Variants in DLG2 observed in about 807,000 individuals in gnomAD.
The protein encoded by DLG2 is discs large MAGUK scaffold protein 2.
In DLG2, 45 loss-of-function variants were observed where a neutral mutation model predicts 132.5. The observed-to-expected ratio is 0.34, with a 90% CI of 0.27 to 0.44. DLG2 has a LOEUF of 0.44. DLG2 is among the 20% of genes least tolerant of loss of function. DLG2 has a pLI of 1.00. For synonymous variants in DLG2, 424 were observed against 419.6 expected, an observed-to-expected ratio of 1.01 and a Z score of -0.13; for missense variants, 1,045 against 1,196.9, an observed-to-expected ratio of 0.87 and a Z score of 1.87.
At chr11:85,214,262 C>T (rs1356371286) in intron 4 of DLG2, among the ~76,000 whole-genome samples, 1 of 152,138 alleles carries the variant, frequency 6.6e-6, no homozygotes, top group Admixed American at 6.6e-5. Flanking sequence ...ATTATTAGGA[C>T]AACCTTCTGG....
chr11:85,310,103 T>G (rs2080219605), intron 3 of DLG2, among the ~76,000 whole-genome samples: 2 of 152,342 alleles, frequency 1.3e-5, no homozygotes, highest in Non-Finnish European at 2.9e-5. Context: ...TCAGTCTTAA[T>G]TCAGCACTAT....
chr11:85,393,087 A>C (rs1320654213), intron 3 of DLG2, among the ~76,000 whole-genome samples: 2 of 152,048 alleles, frequency 1.3e-5, no homozygotes, highest in African/African-American at 4.8e-5. Flanking sequence ...TCCAACAAAC[A>C]ACTAATATCC....
intron 7 of DLG2, among the ~76,000 whole-genome samples, chr11:84,455,415 C>T (rs1184523851): frequency 2.0e-5 from 3 of 151,210 alleles, no homozygotes; most frequent in African/African-American, 7.3e-5. Flanking sequence ...ATTTTAATTT[C>T]CAAAATTGAT....
chr11:84,548,343 C>G (rs1309048756), intron 6 of DLG2, among the ~76,000 whole-genome samples: 3 of 151,926 alleles, frequency 2.0e-5, no homozygotes, highest in Admixed American at 6.6e-5. Context: ...AGGTTTGTTA[C>G]ATATATGCAT....
intron 18 of DLG2, among the ~76,000 whole-genome samples, chr11:83,639,435 C>T (rs145833832): frequency 5.9e-5 from 9 of 152,200 alleles, no homozygotes; most frequent in Admixed American, 5.2e-4. Context: ...TAATAAAAAA[C>T]GATGAGTTCA....
intron 18 of DLG2, among the ~76,000 whole-genome samples, chr11:83,745,662 C>T (rs562336946): frequency 3.3e-4 from 50 of 151,982 alleles, no homozygotes; most frequent in Non-Finnish European, 2.9e-4. Context: ...ATTAGCCTGG[C>T]GTGGTGGCAT....
intron 6 of DLG2, among the ~76,000 whole-genome samples, chr11:84,771,419 G>C (rs1046452561): frequency 7.9e-5 from 12 of 152,204 alleles, no homozygotes; most frequent in African/African-American, 2.4e-4. Context: ...GTCTTCTTTT[G>C]AAAAGCGTCT....
intron 11 of DLG2, among the ~76,000 whole-genome samples, chr11:84,014,038 T>C (rs958133453): frequency 5.3e-5 from 8 of 152,230 alleles, no homozygotes; most frequent in Admixed American, 5.2e-4. Context: ...GTTGTACACT[T>C]ACCAAATAGA....
At chr11:83,720,951 G>C (rs956207706) in intron 18 of DLG2, 13 of 151,982 alleles carry the variant, frequency 8.6e-5, no homozygotes, top group African/African-American at 3.1e-4. Context: ...AGTATCTGGG[G>C]GTGAATCAAC....
At position 85,527,676 on chromosome 11, in the gene DLG2, T is replaced by C. The variant is rs534791720; in HGVS notation, c.40+70981A>G. Among the ~76,000 whole-genome samples, 4 of 152,342 alleles carry C rather than the reference T, an allele frequency of 2.6e-5. No homozygotes were observed. In the South Asian group the frequency reaches 6.2e-4, roughly 24 times the overall value. On this transcript the variant is annotated intron_variant, in intron 3 of 27. Transcript: ENST00000376104. ...AAACATACTTGTGCATCTGTCTTTA[T>C]AGTAAAATAATTTATAATCCTTTGG...
chr11:85,488,682 A>G (rs528396334), intron 3 of DLG2, among the ~76,000 whole-genome samples: 9 of 152,344 alleles, frequency 5.9e-5, no homozygotes, highest in African/African-American at 1.9e-4. Context: ...CTTATGGGCC[A>G]GAAGAGAATG....
chr11:84,624,915 T>C (rs2099619918), intron 6 of DLG2, among the ~76,000 whole-genome samples: 1 of 133,132 alleles, frequency 7.5e-6, no homozygotes. Context: ...TGGAGTGCAG[T>C]GGCGGGATCT....
chr11:85,146,227 C>CCTCTCTCTCTCTCTCTCTCTCTCT (rs35640163), intron 5 of DLG2, among the ~76,000 whole-genome samples: 4 of 129,108 alleles, frequency 3.1e-5, no homozygotes, highest in African/African-American at 1.2e-4. Flanking sequence ...TCTGTTTCTC[C>CCTCTCTCTCTCTCTCTCTCTCTCT]CTCTCTCTCT....
intron 3 of DLG2, among the ~76,000 whole-genome samples, chr11:85,497,823 C>G (rs1010028101): frequency 6.6e-6 from 1 of 152,148 alleles, no homozygotes; most frequent in Non-Finnish European, 1.5e-5. Context: ...CATATCCAGC[C>G]AAACTAAGCT....
intron 18 of DLG2, among the ~76,000 whole-genome samples, chr11:83,674,205 A>G (rs1239946538): frequency 2.0e-5 from 3 of 152,212 alleles, no homozygotes; most frequent in Admixed American, 6.5e-5. Flanking sequence ...CAGGGGTTCC[A>G]GTGTGAAGCA....
intron 18 of DLG2, among the ~76,000 whole-genome samples, chr11:83,779,967 T>C (rs959543139): frequency 1.3e-5 from 2 of 152,192 alleles, no homozygotes; most frequent in Non-Finnish European, 1.5e-5. Context: ...TCGTGTACGG[T>C]ACTTTCTGTT....
intron 4 of DLG2, among the ~76,000 whole-genome samples, chr11:85,204,938 A>G (rs1336151028): frequency 6.6e-6 from 1 of 152,094 alleles, no homozygotes; most frequent in East Asian, 1.9e-4. Context: ...GAGAAGGGAC[A>G]GACTATTCAA....
intron 6 of DLG2, among the ~76,000 whole-genome samples, chr11:85,111,057 AAGG>A (rs746156285): frequency 6.6e-6 from 1 of 152,118 alleles, no homozygotes; most frequent in Non-Finnish European, 1.5e-5. Flanking sequence ...GAGTACATGA[AAGG>A]AGAAGTAGGA....
intron 19 of DLG2, among the ~76,000 whole-genome samples, chr11:83,581,087 A>G (rs2096967289): frequency 6.6e-6 from 1 of 151,884 alleles, no homozygotes; most frequent in East Asian, 1.9e-4. Flanking sequence ...CCACAGTTAC[A>G]GATCTCAAAC....
Sources: allele counts gnomAD v4.1 joint callset (sites outside exome capture counted in the v4.1 genomes callset), GRCh38; gene constraint gnomAD v4.1.1; transcripts MANE v1.5; gene names NCBI Gene and HGNC (gene_info 2026-07-23, HGNC 2026-07-21).